Variants in TEX9 observed in about 807,000 individuals in gnomAD.
TEX9 encodes testis-expressed protein 9.
In TEX9, 74 loss-of-function variants were observed where a neutral mutation model predicts 59.6. The ratio of observed to expected loss-of-function variants is 1.24; its 90% CI spans 1.03 to 1.51. TEX9 has a LOEUF of 1.51. TEX9 is among the 40% of genes most tolerant of loss of function. The pLI, the probability that TEX9 is intolerant of heterozygous loss-of-function variation, is 0.00. For missense variants in TEX9, 522 were observed against 447.8 expected (o/e 1.17, Z -1.49); for synonymous variants, 186 against 152.2 (o/e 1.22, Z -1.64).
In TEX9 at chr15:56,373,547, GTTT is replaced by G. The variant is rs752836407; in HGVS notation, c.183+47_183+49del. ...TATTAATAATTCTATATAAATGCTA[GTTT>G]TTTATCTTTTTCATTTGATATATGA... On this transcript the variant is annotated intron_variant, in intron 3 of 12. Transcript: ENST00000352903. The G allele has an allele frequency of 1.6e-5, 24 of 1,456,056 alleles. No individual in the cohort carries two copies. The Admixed American group carries it at 4.8e-4, about 29-fold the overall frequency. The allele number at this position is 1,456,056 out of a possible 1,614,324, so 90.2% of individuals were successfully genotyped here. A position where few individuals can be genotyped will look rare whatever the true frequency, so the allele number is the denominator to read the frequency against.
intron 1 of TEX9, among the ~76,000 whole-genome samples, chr15:56,328,352 C>T (rs542275429): frequency 1.4e-4 from 21 of 152,206 alleles, no homozygotes; most frequent in South Asian, 6.2e-4. Context: ...GGTGATACAT[C>T]GTGGGCCTTG....
intron 1 of TEX9, among the ~76,000 whole-genome samples, chr15:56,285,009 ATAT>A (rs1188966584): frequency 2.6e-5 from 4 of 152,148 alleles, no homozygotes; most frequent in Non-Finnish European, 5.9e-5. Flanking sequence ...TATTAATTCT[ATAT>A]TATAACTTTA....
intron 1 of TEX9, chr15:56,323,353 CAA>C (rs1167909731): frequency 5.5e-6 from 1 of 180,534 alleles, no homozygotes; most frequent in South Asian, 1.2e-4. Context: ...AAAGGGGAAA[CAA>C]AAAAAGTTCA....
Position 56,284,570 on chromosome 15 carries a change from T to C in TEX9, c.-107+40292T>C, listed in dbSNP as rs200801727. On this transcript the variant is annotated intron_variant, in intron 1 of 5. Coordinates refer to the TEX9 transcript ENST00000560827. Reference sequence around the variant, plus strand: ...TATTATTGCGTTAAAGAAGGAAATATATAGGAATGAGACTGGAAGGAAACA... The same window carrying C: ...TATTATTGCGTTAAAGAAGGAAATACATAGGAATGAGACTGGAAGGAAACA... Among the ~76,000 whole-genome samples the C allele has an allele frequency of 1.5e-4, 23 of 152,204 alleles. No homozygotes were observed. The East Asian group carries it at 4.4e-3, about 29-fold the overall frequency.
the TEX9 span, among the ~76,000 whole-genome samples, chr15:56,457,731 C>T: frequency 6.6e-6 from 1 of 151,732 alleles, no homozygotes; most frequent in South Asian, 2.1e-4. Flanking sequence ...AGGAGGACCG[C>T]CGGAGACCAG....
chr15:56,246,097 G>A (rs183039428), intron 1 of TEX9, among the ~76,000 whole-genome samples: 5 of 152,156 alleles, frequency 3.3e-5, no homozygotes, highest in African/African-American at 1.2e-4. Context: ...TAAAAAGTTC[G>A]CTACCGGGTG....
chr15:56,434,004 A>AATTTATATAT, intron 12 of TEX9: 1 of 971,528 alleles, frequency 1.0e-6, no homozygotes, highest in Non-Finnish European at 1.4e-6. Flanking sequence ...ATGGTCAGAA[A>AATTTATATAT]ATTTATATAT....
At chr15:56,355,775 C>A (rs1223061201) in intron 1 of TEX9, among the ~76,000 whole-genome samples, 2 of 152,046 alleles carry the variant, frequency 1.3e-5, no homozygotes, top group Non-Finnish European at 1.5e-5. Flanking sequence ...CAGCTTTCAG[C>A]ATACATATTT....
At chr15:56,273,709 A>G (rs1400548287) in intron 1 of TEX9, among the ~76,000 whole-genome samples, 1 of 152,186 alleles carries the variant, frequency 6.6e-6, no homozygotes, top group Admixed American at 6.5e-5. Flanking sequence ...GCAACATATA[A>G]AATTCTGGTT....
intron 11 of TEX9, 121 bp from the exon 12 acceptor site, chr15:56,428,246 C>A: frequency 1.5e-6 from 1 of 679,102 alleles, no homozygotes; most frequent in Admixed American, 2.4e-5. Context: ...TAAGAGTATA[C>A]ATTCCTACAA....
intron 1 of TEX9, among the ~76,000 whole-genome samples, chr15:56,325,590 T>C (rs1280458905): frequency 6.6e-6 from 1 of 152,214 alleles, no homozygotes; most frequent in Non-Finnish European, 1.5e-5. Context: ...TATTACACAT[T>C]GGCTCTTCCT....
intron 12 of TEX9, among the ~76,000 whole-genome samples, chr15:56,431,758 AG>A (rs2050603630): frequency 6.6e-6 from 1 of 152,072 alleles, no homozygotes; most frequent in African/African-American, 2.4e-5. Flanking sequence ...TTCATTACCA[AG>A]GGAAAAAATA....
At chr15:56,246,547 G>C (rs551883211) in intron 1 of TEX9, among the ~76,000 whole-genome samples, 2 of 152,304 alleles carry the variant, frequency 1.3e-5, no homozygotes, top group South Asian at 2.1e-4. Context: ...ATAAAGGCAG[G>C]AGTGTAGCCA....
intron 9 of TEX9, 123 bp from the exon 10 acceptor site, chr15:56,412,178 GT>G: frequency 1.2e-6 from 1 of 825,268 alleles, no homozygotes; most frequent in Non-Finnish European, 1.8e-6. Context: ...CCAAGCGTGT[GT>G]GTGTGTGTGT....
chr15:56,420,358 A>T (rs2049920622), intron 10 of TEX9, among the ~76,000 whole-genome samples: 1 of 148,696 alleles, frequency 6.7e-6, no homozygotes, highest in South Asian at 2.1e-4. Context: ...CCCAGGGTGG[A>T]GTGCAGTGGC....
chr15:56,425,149 G>A (rs2050181612), intron 10 of TEX9, among the ~76,000 whole-genome samples: 1 of 152,014 alleles, frequency 6.6e-6, no homozygotes, highest in African/African-American at 2.4e-5. Flanking sequence ...GAGCCATTTT[G>A]TCTTGTTGCT....
At chr15:56,260,234 T>C (rs2044233723) in intron 1 of TEX9, among the ~76,000 whole-genome samples, 1 of 152,152 alleles carries the variant, frequency 6.6e-6, no homozygotes, top group African/African-American at 2.4e-5. Context: ...CTTTCATGCC[T>C]TGTGGCACTG....
chr15:56,429,208 C>T lies in TEX9; in HGVS notation c.*29+735C>T, dbSNP rs808730. On this transcript the variant is annotated intron_variant, in intron 12 of 12. Transcript: ENST00000352903. ...TTAAATACTCCCTACGAGAAAAATA[C>T]TTTGTGGGTTACTTTTGAATACCAG... 1 allele frequency: 1,536,742 copies of T among 1,538,092 alleles called. 767,697 individuals carry two copies. Among genetic ancestry groups the T allele is most frequent in the East Asian group, 1 (42,700 of 42,700 alleles).
chr15:56,440,586 T>C (rs186314234), intron 12 of TEX9, among the ~76,000 whole-genome samples: 48 of 152,208 alleles, frequency 3.2e-4, no homozygotes, highest in Non-Finnish European at 5.0e-4. Context: ...AATGGGCAAA[T>C]GGTCAAATAA....
Sources: allele counts gnomAD v4.1 joint callset (sites outside exome capture counted in the v4.1 genomes callset), GRCh38; gene constraint gnomAD v4.1.1; transcripts MANE v1.5; gene names NCBI Gene and HGNC (gene_info 2026-07-23, HGNC 2026-07-21).